The following SH3KBP1 variants were observed in gnomAD, a reference collection of about 807,000 sequenced individuals.
SH3KBP1 encodes SH3 domain-containing kinase-binding protein 1.
In SH3KBP1, 8 loss-of-function variants were observed where a neutral mutation model predicts 50.1. The ratio of observed to expected loss-of-function variants is 0.16; its 90% CI spans 0.09 to 0.29. SH3KBP1 has a LOEUF of 0.29. SH3KBP1 is among the 10% of genes least tolerant of loss of function. SH3KBP1 has a pLI of 1.00. For missense variants in SH3KBP1, 377 were observed against 535.2 expected, an observed-to-expected ratio of 0.70 and a Z score of 2.92; for synonymous variants, 227 against 218.6, an observed-to-expected ratio of 1.04 and a Z score of -0.34.
intron 2 of SH3KBP1, among the ~76,000 whole-genome samples, chrX:19,822,104 C>T (rs1262893404): frequency 8.9e-6 from 1 of 112,110 alleles, no homozygotes; most frequent in East Asian, 2.8e-4. Context: ...ATTTTCTTTG[C>T]CTTTCATTTT....
At chrX:19,621,894 T>TA (rs947739481) in intron 8 of SH3KBP1, among the ~76,000 whole-genome samples, 2 of 111,136 alleles carry the variant, frequency 1.8e-5, no homozygotes, top group East Asian at 2.8e-4. Context: ...AATGCCACTA[T>TA]AAAAAAAATA....
At chrX:19,659,271 C>T (rs753757032) in intron 6 of SH3KBP1, among the ~76,000 whole-genome samples, 4 of 109,370 alleles carry the variant, frequency 3.7e-5, no homozygotes, top group Admixed American at 9.7e-5. Flanking sequence ...CCCGCCACCA[C>T]GCCTGGCTAA....
At chrX:19,621,073 C>CTTTTTTTTTTT (rs1186690221) in intron 8 of SH3KBP1, among the ~76,000 whole-genome samples, 3 of 32,673 alleles carry the variant, frequency 9.2e-5, no homozygotes, top group Admixed American at 3.7e-4. Context: ...TCTTTTCTTT[C>CTTTTTTTTTTT]TTTTTTTTTT....
chrX:19,740,135 T>C (rs781746049), intron 3 of SH3KBP1, among the ~76,000 whole-genome samples: 1 of 111,655 alleles, frequency 9.0e-6, no homozygotes, highest in Admixed American at 9.5e-5. Context: ...CCCCTCACTC[T>C]AGGCTCAATA....
chrX:19,772,641 T>C (rs756731688), intron 2 of SH3KBP1, among the ~76,000 whole-genome samples: 24 of 111,255 alleles, frequency 2.2e-4, no homozygotes, highest in Admixed American at 6.7e-4. Context: ...GTTTCTGCAG[T>C]AGAGAAAGTC....
intron 2 of SH3KBP1, among the ~76,000 whole-genome samples, chrX:19,774,654 AAAAGAAAG>A (rs3999801): frequency 0.075 from 5,773 of 77,137 alleles, 205 homozygotes; most frequent in Middle Eastern, 0.097. Context: ...GTCTCAAAAA[AAAAGAAAG>A]AAAGAAAGAA....
At chrX:19,680,192 T>A (rs971207166) in intron 6 of SH3KBP1, among the ~76,000 whole-genome samples, 2 of 109,637 alleles carry the variant, frequency 1.8e-5, no homozygotes, top group Non-Finnish European at 3.8e-5. Flanking sequence ...CTGGTCAACG[T>A]GGTGAAACCC....
intron 2 of SH3KBP1, among the ~76,000 whole-genome samples, chrX:19,748,000 C>T (rs1354819131): frequency 8.9e-6 from 1 of 112,531 alleles, no homozygotes; most frequent in African/African-American, 3.2e-5. Context: ...CCGCCTGAGC[C>T]ACATGACAGG....
chrX:19,806,527 A>T (rs2147261619), intron 2 of SH3KBP1, among the ~76,000 whole-genome samples: 1 of 111,355 alleles, frequency 9.0e-6, no homozygotes, highest in South Asian at 3.9e-4. Flanking sequence ...AAAACAAAAC[A>T]ACCCACTAGA....
At chrX:19,613,291 G>A (rs777748862) in intron 8 of SH3KBP1, among the ~76,000 whole-genome samples, 2 of 112,322 alleles carry the variant, frequency 1.8e-5, no homozygotes, top group Admixed American at 1.9e-4. Flanking sequence ...CCAGACGACA[G>A]TCACCTTCAT....
chrX:19,598,506 C>T (rs745843166), intron 9 of SH3KBP1, among the ~76,000 whole-genome samples: 3 of 111,898 alleles, frequency 2.7e-5, no homozygotes, highest in African/African-American at 9.7e-5. Context: ...GTGCAAGAGG[C>T]CTAGCTTTTG....
At chrX:19,562,815 C>T (rs2065724448) in intron 13 of SH3KBP1, among the ~76,000 whole-genome samples, 1 of 111,755 alleles carries the variant, frequency 8.9e-6, no homozygotes, top group African/African-American at 3.3e-5. Flanking sequence ...CCCTAAATGT[C>T]CCTCCACCTC....
chrX:19,576,508 C>A (rs778430981), intron 12 of SH3KBP1, among the ~76,000 whole-genome samples: 17 of 111,922 alleles, frequency 1.5e-4, no homozygotes, highest in Admixed American at 2.8e-4. Flanking sequence ...GGCATGATCA[C>A]AGCTCACTGT....
At chrX:19,607,882 C>T (rs934409465) in intron 9 of SH3KBP1, 56 bp downstream of exon 9, 2 of 1,017,880 alleles carry the variant, frequency 2.0e-6, no homozygotes, top group African/African-American at 3.7e-5. Flanking sequence ...TTCCCCCATC[C>T]CAAGTCCCAA....
chrX:19,726,404 G>A (rs1176121573), intron 3 of SH3KBP1, among the ~76,000 whole-genome samples: 4 of 111,586 alleles, frequency 3.6e-5, no homozygotes, highest in African/African-American at 1.3e-4. Flanking sequence ...GTTGTTTAAA[G>A]GACTGCATAG....
At chrX:19,653,705 C>T (rs1209853550) in intron 6 of SH3KBP1, among the ~76,000 whole-genome samples, 1 of 104,932 alleles carries the variant, frequency 9.5e-6, no homozygotes, top group East Asian at 3.2e-4. Context: ...AGTAAGACTA[C>T]GTCTGAATAT....
In SH3KBP1 at chrX:19,830,233, G is replaced by A. The variant is rs182191292; in HGVS notation, c.162+5892C>T. 1.4e-4 allele frequency among the ~76,000 whole-genome samples: 15 copies of A among 109,569 alleles called. No homozygotes were observed. The South Asian group carries it at 1.6e-3, about 12-fold the overall frequency. On this transcript the variant is annotated intron_variant, in intron 2 of 17. Transcript: ENST00000397821. ...AAGATGCAGTTGCTCTGGTTCCAAC[G>A]ACTCTGACATTTCCCCCTTCCTTTT...
chrX:19,555,211 G>A (rs759039095), intron 13 of SH3KBP1, among the ~76,000 whole-genome samples: 6 of 112,465 alleles, frequency 5.3e-5, no homozygotes, highest in Admixed American at 1.9e-4. Flanking sequence ...TCATAAGGAC[G>A]AGAGGCCCTT....
intron 2 of SH3KBP1, among the ~76,000 whole-genome samples, chrX:19,835,552 AG>A (rs2068035907): frequency 1.8e-5 from 2 of 110,207 alleles, no homozygotes; most frequent in South Asian, 7.5e-4. Flanking sequence ...CAAATAAACA[AG>A]TACATACAAC....
Sources: allele counts gnomAD v4.1 joint callset (sites outside exome capture counted in the v4.1 genomes callset), GRCh38; gene constraint gnomAD v4.1.1; transcripts MANE v1.5; gene names NCBI Gene and HGNC (gene_info 2026-07-23, HGNC 2026-07-21).